The following SSC4D variants were observed in gnomAD, a reference collection of about 807,000 sequenced individuals.
The protein encoded by SSC4D is scavenger receptor cysteine rich family member with 4 domains, also known as scavenger receptor cysteine-rich domain-containing group B protein.
SSC4D carries 57 observed loss-of-function variants against 63.4 expected under a neutral mutation model. That is an observed-to-expected ratio of 0.90 (90% CI 0.73 to 1.12). SSC4D has a LOEUF of 1.12. Among genes scored for constraint, SSC4D ranks in the 50% most tolerant of loss-of-function variants. The pLI, the probability that SSC4D is intolerant of heterozygous loss-of-function variation, is 0.00. For missense variants in SSC4D, 791 were observed against 806.4 expected, an observed-to-expected ratio of 0.98 and a Z score of 0.23; for synonymous variants, 352 against 345.4, an observed-to-expected ratio of 1.02 and a Z score of -0.21.
At chr7:76,400,181 G>T (rs1456159656) in intron 4 of SSC4D, 105 bp downstream of exon 4, 1 of 1,264,646 alleles carries the variant, frequency 7.9e-7, no homozygotes, top group Non-Finnish European at 1.0e-6. Flanking sequence ...GGCCTGATCT[G>T]CATGGAACAG....
At chr7:76,404,219 C>G in intron 2 of SSC4D, 88 bp downstream of exon 2, 2 of 1,443,320 alleles carry the variant, frequency 1.4e-6, no homozygotes, top group Non-Finnish European at 1.8e-6. Flanking sequence ...CGAGCTCATT[C>G]ACAACCCTCC....
At chr7:76,405,725 A>G (rs1805003184) in intron 1 of SSC4D, among the ~76,000 whole-genome samples, 1 of 152,134 alleles carries the variant, frequency 6.6e-6, no homozygotes, top group African/African-American at 2.4e-5. Flanking sequence ...GCTTGGATGG[A>G]AACGCATGAG....
rs774661017 is a variant in SSC4D, at chr7:76,393,813, C to CG, written c.1021+16_1021+17insC. On this transcript the variant is annotated intron_variant, in intron 8 of 10. Coordinates refer to ENST00000275560, the MANE Select transcript of SSC4D (RefSeq NM_080744.2). ...TACCCTTCCCCATCCCCCGCAGACC[C>CG]AGGCACCGCCACTTACTTTTCTTCC... 1 of 1,417,686 alleles carries CG rather than the reference C, an allele frequency of 7.1e-7. No homozygotes were observed. The highest frequency in any genetic ancestry group is 1.2e-5 in the South Asian group (1 of 81,214). 87.8% of individuals were successfully genotyped at this position (1,417,686 alleles called of 1,614,324 possible). A position where few individuals can be genotyped will look rare whatever the true frequency, so the allele number is the denominator to read the frequency against.
chr7:76,393,353 A>G, intron 9 of SSC4D, 52 bp downstream of exon 9: 1 of 1,301,726 alleles, frequency 7.7e-7, no homozygotes, highest in Non-Finnish European at 9.8e-7. Context: ...CGCCCCTCCC[A>G]CGCCGCAGTG....
intron 7 of SSC4D, among the ~76,000 whole-genome samples, chr7:76,394,289 G>T (rs1174991351): frequency 6.6e-6 from 1 of 152,110 alleles, no homozygotes; most frequent in Non-Finnish European, 1.5e-5. Context: ...CTGTCGCCCA[G>T]GCTGGAGTGC....
rs1804555709 is a variant in SSC4D, at chr7:76,393,651, C to T, written c.1087G>A (p.Gly363Arg). The T allele has an allele frequency of 1.4e-6, 2 of 1,477,052 alleles. No homozygotes were observed. The highest frequency in any genetic ancestry group is 4.7e-5 in the Admixed American group (2 of 42,782). 91.5% of individuals were successfully genotyped at this position (1,477,052 alleles called of 1,614,324 possible). Reference sequence around the variant, plus strand: ...TCGTCGCACACGGTGCCCCAGCCCCCGGCGTGCAACACCTCCACGCGGCCG... The same window carrying T: ...TCGTCGCACACGGTGCCCCAGCCCCTGGCGTGCAACACCTCCACGCGGCCG... Reference protein sequence around the residue: ...CRGRVEVLHAGGWGTVCDDDW... With the variant: ...CRGRVEVLHARGWGTVCDDDW... The change falls in exon 9 of 11, where the codon GGG (glycine) becomes AGG (arginine). Residue 363 changes from glycine (G) to arginine (R), a missense_variant. Physicochemically the swap from Gly to Arg is moderately radical, Grantham distance 125 (BLOSUM62 -2). Transcript: ENST00000275560.
intron 4 of SSC4D, 70 bp from the exon 5 acceptor site, chr7:76,398,867 G>A (rs755647266): frequency 6.6e-5 from 102 of 1,544,342 alleles, no homozygotes; most frequent in Non-Finnish European, 8.5e-5. Context: ...GTGTTTAAGG[G>A]GCAGGAGGAT....
chr7:76,401,126 C>G (rs1804812983), intron 2 of SSC4D, 83 bp from the exon 3 acceptor site: 1 of 1,444,508 alleles, frequency 6.9e-7, no homozygotes, highest in Non-Finnish European at 9.2e-7. Flanking sequence ...CCAACTCCCA[C>G]AGTCCTCAAC....
chr7:76,407,435 G>A (rs557163179), intron 1 of SSC4D, among the ~76,000 whole-genome samples: 3 of 151,840 alleles, frequency 2.0e-5, no homozygotes, highest in South Asian at 4.2e-4. Flanking sequence ...AGGTTCAAGC[G>A]ATTCTCCTGC....
chr7:76,400,464 C>T lies in SSC4D; in HGVS notation c.297G>A (p.Leu99=), dbSNP rs768933328. 1 of 1,608,440 alleles carries T rather than the reference C, an allele frequency of 6.2e-7. No homozygotes were observed. Among genetic ancestry groups the T allele is most frequent in the Non-Finnish European group, 8.5e-7 (1 of 1,177,258 alleles). The change falls in exon 4 of 11, where the codon CTG becomes CTA. Residue 99 remains leucine (L), a synonymous_variant. Transcript: ENST00000275560. ...VVDANVVCRQ[L]GCGLALPVPR... The stretch of plus-strand genomic sequence containing the variant: ...GCACGGGCAGTGCCAGGCCACAGCC[C>T]AGCTGGCGACACACTACGTTGGCGT...
chr7:76,403,098 G>C (rs2115794410), intron 2 of SSC4D, among the ~76,000 whole-genome samples: 1 of 152,280 alleles, frequency 6.6e-6, no homozygotes, highest in East Asian at 1.9e-4. Context: ...GCAAATCAAG[G>C]GTAGAGCTGA....
chr7:76,404,163 T>C (rs1563686113), intron 2 of SSC4D, 144 bp downstream of exon 2: 1 of 1,255,456 alleles, frequency 8.0e-7, no homozygotes, highest in East Asian at 2.7e-5. Context: ...TCTTAGCTCT[T>C]TTGTCAACTC....
chr7:76,402,789 C>A (rs562823294), intron 2 of SSC4D, among the ~76,000 whole-genome samples: 2 of 152,336 alleles, frequency 1.3e-5, no homozygotes, highest in Non-Finnish European at 2.9e-5. Flanking sequence ...CCTGCCTCAA[C>A]CTCCCAAGTA....
In SSC4D at chr7:76,409,481, C is replaced by T. The variant is rs1805174502; in HGVS notation, c.-134G>A. ...TCAATCCAAGATCGAATCACTTTGT[C>T]TGCCCCTGGAAGTTTAGGAGGAGGA... On this transcript the variant is annotated 5_prime_UTR_variant, in exon 1 of 11. Coordinates refer to ENST00000275560, the MANE Select transcript of SSC4D (RefSeq NM_080744.2). 1 of 152,266 alleles carries T rather than the reference C, an allele frequency of 6.6e-6. No individual in the cohort carries two copies. The highest frequency in any genetic ancestry group is 2.4e-5 in the African/African-American group (1 of 41,464). The allele number at this position is 152,266 out of a possible 1,614,324, so 9.4% of individuals were successfully genotyped here. A position where few individuals can be genotyped will look rare whatever the true frequency, so the allele number is the denominator to read the frequency against.
intron 6 of SSC4D, 99 bp downstream of exon 6, chr7:76,397,419 C>T: frequency 7.3e-7 from 1 of 1,374,848 alleles, no homozygotes; most frequent in South Asian, 1.5e-5. Flanking sequence ...GCCAAAACAC[C>T]CTCCCCATCC....
intron 9 of SSC4D, 62 bp downstream of exon 9, chr7:76,393,343 C>G: frequency 2.3e-6 from 3 of 1,292,220 alleles, no homozygotes; most frequent in Non-Finnish European, 2.9e-6. Context: ...GGCGCCGCCC[C>G]GCCCCTCCCA....
Position 76,389,847 on chromosome 7 carries a change from C to A in SSC4D, c.*212G>T. The A allele has an allele frequency of 1.9e-5, 12 of 625,286 alleles. No homozygotes were observed. The highest frequency in any genetic ancestry group is 1.8e-4 in the South Asian group (9 of 49,452). The allele number at this position is 625,286 out of a possible 1,614,324, so 38.7% of individuals were successfully genotyped here. On this transcript the variant is annotated 3_prime_UTR_variant, in exon 11 of 11. Coordinates refer to ENST00000275560, the MANE Select transcript of SSC4D (RefSeq NM_080744.2). The stretch of plus-strand genomic sequence containing the variant: ...AGGAGCTTTCACTGAATTGGGCTCA[C>A]AACAGTCGATGACAGGCTGAGGTCA...
At chr7:76,403,579 G>T (rs1399902778) in intron 2 of SSC4D, among the ~76,000 whole-genome samples, 1 of 150,840 alleles carries the variant, frequency 6.6e-6, no homozygotes, top group African/African-American at 2.4e-5. Flanking sequence ...CTCATGATCC[G>T]CCCTCCTCAG....
chr7:76,403,526 C>T (rs1208378106), intron 2 of SSC4D, among the ~76,000 whole-genome samples: 1 of 151,262 alleles, frequency 6.6e-6, no homozygotes, highest in Non-Finnish European at 1.5e-5. Flanking sequence ...TTAGTAGAGA[C>T]GGGGTTTCAC....
Sources: gnomAD v4.1 joint callset for allele counts (sites outside exome capture counted in the v4.1 genomes callset) on GRCh38, gnomAD v4.1.1 for gene constraint, MANE v1.5 for transcripts, NCBI Gene and HGNC (gene_info 2026-07-23, HGNC 2026-07-21) for gene names.